Variants in SLC5A12 observed in about 807,000 individuals in gnomAD.
SLC5A12 encodes the protein sodium-coupled monocarboxylate transporter 2.
A neutral mutation model predicts 72.7 loss-of-function variants in SLC5A12; 46 were observed. The observed-to-expected ratio is 0.63, with a 90% CI of 0.50 to 0.81. The LOEUF is 0.81. Ranked by LOEUF, SLC5A12 falls within the 30% of genes least tolerant of loss-of-function variation. SLC5A12 has a pLI of 0.00. For synonymous variants in SLC5A12, 275 were observed against 264.4 expected, an observed-to-expected ratio of 1.04 and a Z score of -0.39; for missense variants, 683 against 740.7, an observed-to-expected ratio of 0.92 and a Z score of 0.90.
chr11:26,687,103 T>G (rs1854554873), intron 9 of SLC5A12, among the ~76,000 whole-genome samples: 1 of 152,194 alleles, frequency 6.6e-6, no homozygotes, highest in Non-Finnish European at 1.5e-5. Flanking sequence ...ATTTGTTTGT[T>G]TCCATATCAC....
At chr11:26,709,821 A>C (rs1245634254) in intron 3 of SLC5A12, among the ~76,000 whole-genome samples, 2 of 152,046 alleles carry the variant, frequency 1.3e-5, no homozygotes, top group Non-Finnish European at 2.9e-5. Context: ...CAAACAACCC[A>C]CTTCTCTTCT....
intron 9 of SLC5A12, among the ~76,000 whole-genome samples, chr11:26,691,232 C>T (rs1165434605): frequency 1.3e-5 from 2 of 151,924 alleles, no homozygotes; most frequent in African/African-American, 2.4e-5. Flanking sequence ...AAATCTGATG[C>T]CATTTTGTCC....
At chr11:26,696,954 T>G (rs1308532025) in intron 8 of SLC5A12, among the ~76,000 whole-genome samples, 1 of 152,222 alleles carries the variant, frequency 6.6e-6, no homozygotes, top group African/African-American at 2.4e-5. Flanking sequence ...TTTTTCTATC[T>G]TGCTAAATCT....
chr11:26,698,634 T>C (rs757479107), intron 6 of SLC5A12, 99 bp from the exon 7 acceptor site: 23 of 1,155,288 alleles, frequency 2.0e-5, no homozygotes, highest in African/African-American at 3.1e-5. Context: ...TTGGGTCTTT[T>C]TGCTAGTAAA....
rs1190594442 is a variant in SLC5A12, at chr11:26,703,836, C to A, written c.637G>T (p.Val213Leu). 6.2e-7 allele frequency: 1 copy of A among 1,613,938 alleles called. No individual in the cohort carries two copies. ...GSTHAGGFHN[V>L]LEQSTNGSRL... ...GATCCATTTGTTGATTGCTCTAATA[C>A]ATTGTGGAATCCCCCAGCATGAGTT... The change falls in exon 5 of 15, where the codon GTA (valine) becomes TTA (leucine). Residue 213 changes from valine to leucine, a missense_variant. Transcript: ENST00000396005.
chr11:26,686,480 CACA>C lies in SLC5A12; in HGVS notation c.1215_1217del (p.Val406del), dbSNP rs773198361. 1.2e-6 allele frequency: 2 copies of C among 1,613,846 alleles called. No individual in the cohort carries two copies. Among genetic ancestry groups the C allele is most frequent in the South Asian group, 2.2e-5 (2 of 91,056 alleles). The stretch of plus-strand genomic sequence containing the variant: ...TGTCTTTTCCTTCTTTCGTTACCTG[CACA>C]ACACCTCCCATGACAGATGCAGCCA... On this transcript the variant is annotated inframe_deletion, in exon 10 of 15. Transcript: ENST00000396005.
intron 4 of SLC5A12, among the ~76,000 whole-genome samples, chr11:26,706,070 C>T (rs1855083050): frequency 6.6e-6 from 1 of 151,882 alleles, no homozygotes; most frequent in Non-Finnish European, 1.5e-5. Context: ...CCCTACTAAA[C>T]TACGGAACCC....
intron 1 of SLC5A12, among the ~76,000 whole-genome samples, chr11:26,717,155 G>T (rs909285390): frequency 1.3e-5 from 2 of 151,994 alleles, no homozygotes; most frequent in Non-Finnish European, 2.9e-5. Flanking sequence ...ATTTGAAGGA[G>T]AACTAAAAGG....
At chr11:26,677,090 C>T (rs1334140910) in intron 13 of SLC5A12, among the ~76,000 whole-genome samples, 1 of 151,582 alleles carries the variant, frequency 6.6e-6, no homozygotes, top group Admixed American at 6.6e-5. Flanking sequence ...CTGAGGTTAT[C>T]AGGCTAGCCC....
chr11:26,672,418 C>T (rs1042501895), intron 14 of SLC5A12, among the ~76,000 whole-genome samples: 1 of 152,106 alleles, frequency 6.6e-6, no homozygotes, highest in Non-Finnish European at 1.5e-5. Flanking sequence ...TGCCCTTAAT[C>T]AAGCTGGGAA....
At position 26,697,203 on chromosome 11, in the gene SLC5A12, G is replaced by A; in HGVS notation, c.1001C>T (p.Pro334Leu). 1 of 1,613,804 alleles carries A rather than the reference G, an allele frequency of 6.2e-7. No homozygotes were observed. Among genetic ancestry groups the A allele is most frequent in the South Asian group, 1.1e-5 (1 of 91,062 alleles). Residue 334 changes from proline (P) to leucine (L), a missense_variant, in exon 8 of 15, where the codon CCA becomes CTA. Pro to Leu is a moderately conservative substitution (Grantham distance 98, BLOSUM62 -3). Coordinates refer to ENST00000396005, the MANE Select transcript of SLC5A12 (RefSeq NM_178498.4). ...GAAGGCACAAGCCACAAAAAGTCCTGGCAGTCCTGGCATTGTGGCAAATAT... is the reference window on the plus strand; with the variant it reads ...GAAGGCACAAGCCACAAAAAGTCCTAGCAGTCCTGGCATTGTGGCAAATAT... ...MEIFATMPGL[P>L]GLFVACAFSG...
intron 6 of SLC5A12, among the ~76,000 whole-genome samples, chr11:26,699,313 G>A (rs1224504042): frequency 6.6e-6 from 1 of 152,312 alleles, no homozygotes; most frequent in Admixed American, 6.5e-5. Context: ...GAGCAACGCT[G>A]AACATTGTCT....
intron 1 of SLC5A12, among the ~76,000 whole-genome samples, chr11:26,715,035 T>C (rs949709159): frequency 8.5e-5 from 13 of 152,146 alleles, no homozygotes; most frequent in South Asian, 8.3e-4. Context: ...CACTGAAATG[T>C]CTGTGGTGAA....
At chr11:26,696,786 G>A (rs1565194181) in intron 8 of SLC5A12, among the ~76,000 whole-genome samples, 1 of 152,150 alleles carries the variant, frequency 6.6e-6, no homozygotes, top group Non-Finnish European at 1.5e-5. Context: ...AAATGAATGA[G>A]AAGAGCCAGC....
chr11:26,676,918 G>T (rs1854279573), intron 13 of SLC5A12, among the ~76,000 whole-genome samples: 1 of 151,960 alleles, frequency 6.6e-6, no homozygotes, highest in South Asian at 2.1e-4. Context: ...CACCTATTAA[G>T]ACCAAACAAG....
upstream of SLC5A12, among the ~76,000 whole-genome samples, chr11:26,722,405 A>T (rs1407751134): frequency 1.3e-5 from 2 of 152,200 alleles, no homozygotes; most frequent in Admixed American, 1.3e-4. Context: ...GAACACAGGG[A>T]TAATAAGACC....
At position 26,700,834 on chromosome 11, in the gene SLC5A12, T is replaced by C. The variant is rs140546206; in HGVS notation, c.822-2299A>G. Among the ~76,000 whole-genome samples the C allele has an allele frequency of 2.7e-4, 41 of 152,338 alleles. No individual in the cohort carries two copies. In the East Asian group the frequency reaches 6.8e-3, roughly 25 times the overall value. Reference sequence around the variant, plus strand: ...TGTCTTTGGTGACTAATCACATTTCTGGTCATGAAACCAAATGCATGTATA... The same window carrying C: ...TGTCTTTGGTGACTAATCACATTTCCGGTCATGAAACCAAATGCATGTATA... On this transcript the variant is annotated intron_variant, in intron 6 of 14. Transcript: ENST00000396005.
chr11:26,720,357 A>G (rs1038470433), intron 1 of SLC5A12, among the ~76,000 whole-genome samples: 5 of 144,060 alleles, frequency 3.5e-5, no homozygotes, highest in African/African-American at 1.3e-4. Flanking sequence ...AAATAAGTAA[A>G]TAAATACATG....
chr11:26,709,102 T>C, intron 4 of SLC5A12: 1 of 413,498 alleles, frequency 2.4e-6, no homozygotes, highest in East Asian at 3.4e-5. Flanking sequence ...CTTGAATGAG[T>C]GCAGAGATTA....
Sources: allele counts gnomAD v4.1 joint callset (sites outside exome capture counted in the v4.1 genomes callset), GRCh38; gene constraint gnomAD v4.1.1; transcripts MANE v1.5; gene names NCBI Gene and HGNC (gene_info 2026-07-23, HGNC 2026-07-21).